Variants in NEK10 observed in about 807,000 individuals in gnomAD.
NEK10 encodes NIMA related kinase 10, also known as serine/threonine-protein kinase Nek10.
Under a neutral mutation model 159.8 loss-of-function variants are expected in NEK10, and 122 were observed. The observed-to-expected ratio is 0.76, with a 90% CI of 0.66 to 0.89. NEK10 has a LOEUF of 0.89. Among genes scored for constraint, NEK10 ranks in the 40% least tolerant of loss-of-function variants. NEK10 has a pLI of 0.00. For missense variants in NEK10, 1,342 were observed against 1,323.1 expected (o/e 1.01, Z -0.22); for synonymous variants, 466 against 457.1 (o/e 1.02, Z -0.25).
intron 12 of NEK10, among the ~76,000 whole-genome samples, chr3:27,304,256 T>C (rs1189751432): frequency 6.6e-6 from 1 of 152,208 alleles, no homozygotes; most frequent in African/African-American, 2.4e-5. Context: ...TGATATCATC[T>C]TTCAAAAACA....
chr3:27,312,884 TA>T (rs2044817795), intron 7 of NEK10, among the ~76,000 whole-genome samples: 2 of 152,266 alleles, frequency 1.3e-5, no homozygotes, highest in Admixed American at 6.5e-5. Flanking sequence ...TATAATAAAA[TA>T]AAGTAGATTT....
intron 25 of NEK10, among the ~76,000 whole-genome samples, chr3:27,195,715 T>C (rs898729757): frequency 1.3e-5 from 2 of 152,216 alleles, no homozygotes; most frequent in African/African-American, 4.8e-5. Context: ...ATGTTCCAGG[T>C]CTCAGATTAC....
intron 25 of NEK10, among the ~76,000 whole-genome samples, chr3:27,193,539 C>T (rs1372284482): frequency 6.6e-6 from 1 of 151,810 alleles, no homozygotes; most frequent in African/African-American, 2.4e-5. Context: ...CTGCACTTCC[C>T]CAAATAGCAC....
At position 27,284,638 on chromosome 3, in the gene NEK10, T is replaced by C; in HGVS notation, c.1978A>G (p.Asn660Asp). The C allele has an allele frequency of 6.2e-7, 1 of 1,606,278 alleles. No homozygotes were observed. Among genetic ancestry groups the C allele is most frequent in the South Asian group, 1.1e-5 (1 of 90,938 alleles). The change falls in exon 22 of 36, where the codon AAC becomes GAC. Residue 660 changes from asparagine (N) to aspartate (D), a missense_variant. Asn to Asp is a conservative substitution (Grantham distance 23, BLOSUM62 1). Transcript: ENST00000691995. Reference protein sequence around the residue: ...RIVHRDLTPNNIMLGDKDKVT... With the variant: ...RIVHRDLTPNDIMLGDKDKVT... ...TTGTCCTTATCCCCCAACATAATGT[T>C]GTTTGGTGTCAGATCTCTATGGACA... is the stretch of plus-strand genomic sequence containing the variant.
intron 24 of NEK10, 21 bp from the exon 25 acceptor site, chr3:27,201,601 A>G: frequency 6.3e-7 from 1 of 1,594,776 alleles, no homozygotes; most frequent in Non-Finnish European, 8.6e-7. Flanking sequence ...AACAGACTAG[A>G]GTGATGGAAG....
At chr3:27,365,615 T>C (rs1411301648) in intron 1 of NEK10, among the ~76,000 whole-genome samples, 1 of 132,228 alleles carries the variant, frequency 7.6e-6, no homozygotes, top group Non-Finnish European at 1.6e-5. Context: ...TTTGTGTTTT[T>C]TTTTTTTTTT....
chr3:27,241,197 G>A (rs547752101), intron 23 of NEK10, among the ~76,000 whole-genome samples: 1 of 152,184 alleles, frequency 6.6e-6, no homozygotes, highest in African/African-American at 2.4e-5. Flanking sequence ...GAGCATGGGG[G>A]GAAAAATAAG....
At chr3:27,194,974 G>A (rs879313012) in intron 25 of NEK10, among the ~76,000 whole-genome samples, 11 of 152,200 alleles carry the variant, frequency 7.2e-5, no homozygotes, top group Non-Finnish European at 1.3e-4. Context: ...TTGAAGGCCT[G>A]CTAGGAAAGA....
intron 30 of NEK10, among the ~76,000 whole-genome samples, chr3:27,159,690 T>A (rs1370588490): frequency 6.6e-6 from 1 of 152,052 alleles, no homozygotes. Context: ...TACAATTTAG[T>A]AATAAAAGAT....
chr3:27,284,468 G>A (rs1266693294), intron 22 of NEK10, 134 bp downstream of exon 22: 1 of 594,482 alleles, frequency 1.7e-6, no homozygotes. Flanking sequence ...AGCCACATGT[G>A]GCTAGTGGCT....
intron 22 of NEK10, among the ~76,000 whole-genome samples, chr3:27,260,630 T>G (rs1375959952): frequency 6.6e-6 from 1 of 152,222 alleles, no homozygotes; most frequent in Non-Finnish European, 1.5e-5. Flanking sequence ...GCCAGTATTT[T>G]ATTGAGAATT....
intron 26 of NEK10, among the ~76,000 whole-genome samples, chr3:27,180,247 T>G (rs1158021390): frequency 6.6e-6 from 1 of 151,544 alleles, no homozygotes; most frequent in East Asian, 1.9e-4. Flanking sequence ...ATATAAAAAT[T>G]AGACAGGCAT....
chr3:27,180,876 A>G (rs1948026861), intron 26 of NEK10, among the ~76,000 whole-genome samples: 1 of 152,100 alleles, frequency 6.6e-6, no homozygotes, highest in African/African-American at 2.4e-5. Context: ...ATATCATTTT[A>G]AAGCCTAGTG....
chr3:27,290,533 C>G, intron 19 of NEK10, 84 bp downstream of exon 19: 2 of 996,990 alleles, frequency 2.0e-6, no homozygotes, highest in Non-Finnish European at 2.9e-6. Context: ...TCATAAGCAG[C>G]ATGGACAAGA....
intron 6 of NEK10, among the ~76,000 whole-genome samples, chr3:27,316,091 C>T (rs1176218319): frequency 6.6e-6 from 1 of 152,168 alleles, no homozygotes; most frequent in Non-Finnish European, 1.5e-5. Flanking sequence ...TGGATTCACA[C>T]TGTGGGAGGA....
intron 25 of NEK10, among the ~76,000 whole-genome samples, chr3:27,196,676 C>T (rs1326232187): frequency 6.6e-6 from 1 of 152,152 alleles, no homozygotes; most frequent in Admixed American, 6.5e-5. Flanking sequence ...AGTCTATTTG[C>T]CCAGATTCAC....
At chr3:27,169,126 C>T (rs1002408741) in intron 29 of NEK10, among the ~76,000 whole-genome samples, 25 of 152,230 alleles carry the variant, frequency 1.6e-4, no homozygotes, top group African/African-American at 5.8e-4. Context: ...GCCAAGATAC[C>T]TACATTCATC....
chr3:27,135,080 A>T (rs1344136852), intron 31 of NEK10, among the ~76,000 whole-genome samples: 1 of 152,156 alleles, frequency 6.6e-6, no homozygotes, highest in East Asian at 1.9e-4. Flanking sequence ...TCTAGAACAG[A>T]TGCCACCATG....
In NEK10 at chr3:27,305,366, T is replaced by C. The variant is rs1319827967; in HGVS notation, c.804-395A>G. On this transcript the variant is annotated intron_variant, in intron 11 of 35. Coordinates refer to ENST00000691995, the MANE Select transcript of NEK10 (RefSeq NM_001394966.1). Reference sequence around the variant, plus strand: ...ATCGTTGGTCTGATTAAAAACCTACTGACCAGCATTGGCAGGGCGTGGTGG... The same window carrying C: ...ATCGTTGGTCTGATTAAAAACCTACCGACCAGCATTGGCAGGGCGTGGTGG... Among the ~76,000 whole-genome samples, 3 of 152,244 alleles carry C rather than the reference T, an allele frequency of 2.0e-5. No individual in the cohort carries two copies. In the East Asian group the frequency reaches 5.8e-4, roughly 29 times the overall value.
Sources: allele counts gnomAD v4.1 joint callset (sites outside exome capture counted in the v4.1 genomes callset), GRCh38; gene constraint gnomAD v4.1.1; transcripts MANE v1.5; gene names NCBI Gene and HGNC (gene_info 2026-07-23, HGNC 2026-07-21).